Variants in TENM3 observed in about 807,000 individuals in gnomAD.
TENM3 encodes the protein teneurin transmembrane protein 3.
TENM3 carries 63 observed loss-of-function variants against 255.1 expected under a neutral mutation model. The observed-to-expected ratio is 0.25, with a 90% CI of 0.20 to 0.30. The LOEUF is 0.30. Among genes scored for constraint, TENM3 ranks in the 10% least tolerant of loss-of-function variants. TENM3 has a pLI of 1.00. For synonymous variants in TENM3, 1,306 were observed against 1,322.3 expected, an observed-to-expected ratio of 0.99 and a Z score of 0.27; for missense variants, 2,929 against 3,461.1, an observed-to-expected ratio of 0.85 and a Z score of 3.86.
chr4:182,592,198 A>G (rs1195965871), intron 3 of TENM3, among the ~76,000 whole-genome samples: 1 of 150,910 alleles, frequency 6.6e-6, no homozygotes, highest in Non-Finnish European at 1.5e-5. Context: ...CCACCTTTCT[A>G]ATAGCTCCTG....
At chr4:182,742,252 A>G (rs1361427391) in intron 18 of TENM3, among the ~76,000 whole-genome samples, 4 of 152,236 alleles carry the variant, frequency 2.6e-5, no homozygotes, top group Admixed American at 6.5e-5. Flanking sequence ...TCTAACCATG[A>G]AAATATTTAA....
the TENM3 span, among the ~76,000 whole-genome samples, chr4:181,938,922 A>C: frequency 6.6e-6 from 1 of 152,228 alleles, no homozygotes; most frequent in Non-Finnish European, 1.5e-5. Flanking sequence ...GCAATATAAA[A>C]CATAAATGGT....
the TENM3 span, among the ~76,000 whole-genome samples, chr4:181,522,128 A>AAAAAAG: frequency 6.8e-6 from 1 of 146,864 alleles, no homozygotes; most frequent in African/African-American, 2.6e-5. Context: ...AAAAAAAAAA[A>AAAAAAG]AAGAAGAAGC....
the TENM3 span, among the ~76,000 whole-genome samples, chr4:181,525,672 T>C: frequency 6.6e-6 from 1 of 152,210 alleles, no homozygotes; most frequent in Non-Finnish European, 1.5e-5. Context: ...ATAACTAGAA[T>C]GTTTCTATTG....
intron 1 of TENM3, among the ~76,000 whole-genome samples, chr4:182,214,688 C>T (rs558514953): frequency 1.6e-3 from 244 of 152,030 alleles, no homozygotes; most frequent in Non-Finnish European, 2.7e-3. Context: ...TTTAAAAACG[C>T]CCCTCATGAA....
At chr4:182,628,317 A>T (rs962751436) in intron 4 of TENM3, among the ~76,000 whole-genome samples, 1 of 152,180 alleles carries the variant, frequency 6.6e-6, no homozygotes, top group Non-Finnish European at 1.5e-5. Context: ...GGACATTCCA[A>T]AATGGTTTTG....
At chr4:182,751,188 C>A (rs1762342608) in intron 19 of TENM3, among the ~76,000 whole-genome samples, 1 of 152,180 alleles carries the variant, frequency 6.6e-6, no homozygotes, top group African/African-American at 2.4e-5. Context: ...CACAGGCCAC[C>A]AACTAAGACT....
chr4:182,374,388 C>T (rs1767041675), intron 3 of TENM3, among the ~76,000 whole-genome samples: 2 of 152,148 alleles, frequency 1.3e-5, no homozygotes. Flanking sequence ...AACATATTCT[C>T]TCTCTTTCAT....
the TENM3 span, among the ~76,000 whole-genome samples, chr4:181,610,725 T>C: frequency 6.6e-6 from 1 of 151,822 alleles, no homozygotes; most frequent in African/African-American, 2.4e-5. Context: ...TGTGTGTCTG[T>C]GTGTGGCTTT....
chr4:181,466,891 A>G, the TENM3 span, among the ~76,000 whole-genome samples: 3 of 151,660 alleles, frequency 2.0e-5, no homozygotes, highest in Non-Finnish European at 4.4e-5. Flanking sequence ...TATTTTATCT[A>G]AAACAGTGGG....
chr4:181,607,454 T>C, the TENM3 span, among the ~76,000 whole-genome samples: 1 of 152,146 alleles, frequency 6.6e-6, no homozygotes, highest in Non-Finnish European at 1.5e-5. Flanking sequence ...CTCACTCTCT[T>C]GCCAGGCTGG....
the TENM3 span, among the ~76,000 whole-genome samples, chr4:181,893,075 T>C: frequency 5.3e-5 from 7 of 131,618 alleles, no homozygotes; most frequent in Admixed American, 5.4e-4. Context: ...CCATGTCAAA[T>C]AAATGACATT....
At chr4:181,659,870 A>G in the TENM3 span, among the ~76,000 whole-genome samples, 29 of 152,190 alleles carry the variant, frequency 1.9e-4, no homozygotes, top group African/African-American at 6.3e-4. Context: ...AGTCTTATTC[A>G]TTGCTTCTTC....
intron 19 of TENM3, among the ~76,000 whole-genome samples, chr4:182,750,397 C>G (rs1020622340): frequency 6.7e-6 from 1 of 149,370 alleles, no homozygotes; most frequent in Non-Finnish European, 1.5e-5. Flanking sequence ...AAGAGCTCTT[C>G]AGAGCTCCAC....
At chr4:182,259,818 C>T (rs1440806374) in intron 1 of TENM3, among the ~76,000 whole-genome samples, 1 of 152,044 alleles carries the variant, frequency 6.6e-6, no homozygotes, top group African/African-American at 2.4e-5. Context: ...TTACTGTAAA[C>T]TATAGTTACC....
chr4:182,375,594 T>A (rs1580340535), intron 3 of TENM3, among the ~76,000 whole-genome samples: 1 of 152,184 alleles, frequency 6.6e-6, no homozygotes, highest in Non-Finnish European at 1.5e-5. Context: ...CAGGCTGGAG[T>A]GCAGTGGCGC....
At chr4:182,007,422 A>T in the TENM3 span, among the ~76,000 whole-genome samples, 1 of 152,146 alleles carries the variant, frequency 6.6e-6, no homozygotes, top group East Asian at 1.9e-4. Context: ...TTGGGTGCAT[A>T]TATATTTAGG....
intron 1 of TENM3, among the ~76,000 whole-genome samples, chr4:182,311,570 G>A (rs1025967748): frequency 3.3e-5 from 5 of 152,112 alleles, no homozygotes; most frequent in African/African-American, 1.2e-4. Flanking sequence ...ACCTTGGATG[G>A]GCCAGTGAAT....
chr4:182,339,819 C>T (rs1461131689), intron 2 of TENM3, among the ~76,000 whole-genome samples: 4 of 151,966 alleles, frequency 2.6e-5, no homozygotes, highest in Non-Finnish European at 4.4e-5. Context: ...ACATTGCAGG[C>T]GTATTATCAT....
Sources: gnomAD v4.1 joint callset for allele counts (sites outside exome capture counted in the v4.1 genomes callset) on GRCh38, gnomAD v4.1.1 for gene constraint, MANE v1.5 for transcripts, NCBI Gene and HGNC (gene_info 2026-07-23, HGNC 2026-07-21) for gene names.